MTREX: variants seen among roughly 807,000 people sequenced by gnomAD.
The protein encoded by MTREX is Mtr4 exosome RNA helicase, also known as exosome RNA helicase MTR4.
MTREX carries 76 observed loss-of-function variants against 135.4 expected under a neutral mutation model. The observed-to-expected ratio is 0.56, with a 90% confidence interval of 0.47 to 0.68. The LOEUF (loss-of-function observed/expected upper bound fraction) is 0.68, where lower values mean the gene tolerates loss of function less well. MTREX is among the 30% of genes least tolerant of loss of function. MTREX has a pLI of 0.00. For synonymous variants in MTREX, 404 were observed against 401.6 expected (o/e 1.01, Z -0.07); for missense variants, 920 against 1,262.1 (o/e 0.73, Z 4.11).
chr5:55,415,715 AG>A (rs1335595868), intron 24 of MTREX, among the ~76,000 whole-genome samples: 1 of 152,196 alleles, frequency 6.6e-6, no homozygotes, highest in Non-Finnish European at 1.5e-5. Flanking sequence ...TTTGTTGAAA[AG>A]GTATCACTGG....
At chr5:55,419,447 A>C (rs1293022666) in intron 25 of MTREX, among the ~76,000 whole-genome samples, 1 of 152,258 alleles carries the variant, frequency 6.6e-6, no homozygotes, top group Non-Finnish European at 1.5e-5. Flanking sequence ...AGAAAAGTTC[A>C]TATTGTGATT....
chr5:55,392,415 C>T (rs533100128), intron 19 of MTREX, among the ~76,000 whole-genome samples: 13 of 151,972 alleles, frequency 8.6e-5, no homozygotes, highest in African/African-American at 1.2e-4. Context: ...TGATGGTGTG[C>T]GCTGGTAGCT....
intron 5 of MTREX, among the ~76,000 whole-genome samples, chr5:55,334,104 A>C (rs1199208519): frequency 6.6e-6 from 1 of 152,280 alleles, no homozygotes; most frequent in African/African-American, 2.4e-5. Flanking sequence ...CATTTATGTG[A>C]AATATCCAGA....
At position 55,353,149 on chromosome 5, in the gene MTREX, G is replaced by T. The variant is rs371387162; in HGVS notation, c.1432-19G>T. 1 of 1,494,376 alleles carries T rather than the reference G, an allele frequency of 6.7e-7. No homozygotes were observed. The allele number at this position is 1,494,376 out of a possible 1,614,324, so 92.6% of individuals were successfully genotyped here. On this transcript the variant is annotated intron_variant, in intron 13 of 26. Coordinates refer to ENST00000230640, the MANE Select transcript of MTREX (RefSeq NM_015360.5). The stretch of plus-strand genomic sequence containing the variant: ...AGCTTAAAATACATGTTTAATTATA[G>T]AATTACTTATTTACTTAGGCCTTAT...
At chr5:55,333,721 C>T (rs1334720477) in intron 5 of MTREX, among the ~76,000 whole-genome samples, 1 of 152,050 alleles carries the variant, frequency 6.6e-6, no homozygotes, top group Non-Finnish European at 1.5e-5. Context: ...TGTCATATGA[C>T]CCAGCAATTC....
intron 3 of MTREX, chr5:55,324,424 CTTTTTTTTTTTTTTTTTTTTT>C (rs10592726): frequency 1.2e-3 from 21 of 17,000 alleles, no homozygotes; most frequent in Middle Eastern, 0.05. Flanking sequence ...CTTATTTTAA[CTTTTTTTTTTTTTTTTTTTTT>C]TTTTTTTTTT....
intron 5 of MTREX, among the ~76,000 whole-genome samples, chr5:55,333,328 G>T (rs1367757588): frequency 6.6e-6 from 1 of 152,122 alleles, no homozygotes; most frequent in East Asian, 1.9e-4. Flanking sequence ...GTCCACTCCT[G>T]TTCAGAAGAT....
chr5:55,345,273 GT>G (rs934136704), intron 10 of MTREX, 77 bp downstream of exon 10: 20 of 939,914 alleles, frequency 2.1e-5, no homozygotes, highest in African/African-American at 1.4e-4. Context: ...TTTTGTCTTA[GT>G]TTTTTTTTCT....
intron 10 of MTREX, among the ~76,000 whole-genome samples, chr5:55,346,291 T>A (rs1026354658): frequency 1.3e-5 from 2 of 152,210 alleles, no homozygotes; most frequent in Non-Finnish European, 2.9e-5. Context: ...CTTCCAGGAA[T>A]GTGTGAGGGT....
chr5:55,327,323 T>C (rs551289277), intron 3 of MTREX, among the ~76,000 whole-genome samples: 16 of 152,316 alleles, frequency 1.1e-4, no homozygotes, highest in South Asian at 2.1e-4. Flanking sequence ...TTCTAGAGTC[T>C]CTTTTTTTCT....
At chr5:55,360,461 G>C (rs1411998633) in intron 15 of MTREX, among the ~76,000 whole-genome samples, 1 of 150,322 alleles carries the variant, frequency 6.7e-6, no homozygotes, top group South Asian at 2.1e-4. Context: ...TCTCCTGACT[G>C]TGTACCTAGG....
At chr5:55,352,368 CT>C (rs75571517) in intron 13 of MTREX, among the ~76,000 whole-genome samples, 27,653 of 151,952 alleles carry the variant, frequency 0.18, 2,623 homozygotes, top group Admixed American at 0.19. Flanking sequence ...GTATATTTTG[CT>C]GAGCCCTACT....
chr5:55,328,768 C>A lies in MTREX; in HGVS notation c.472C>A (p.Leu158Ile), dbSNP rs764411008. 1 of 1,613,214 alleles carries A rather than the reference C, an allele frequency of 6.2e-7. No individual in the cohort carries two copies. The highest frequency in any genetic ancestry group is 8.5e-7 in the Non-Finnish European group (1 of 1,179,368). Residue 158 changes from leucine to isoleucine, a missense_variant, in exon 5 of 27, where the codon CTA becomes ATA. This residue lies in a region of MTREX where 82 missense variants were observed against 107.4 expected (regional missense o/e 0.76). Coordinates refer to ENST00000230640, the MANE Select transcript of MTREX (RefSeq NM_015360.5). ...IQCVDNNQSVLVSAHTSAGKT... is the reference protein window; with the variant it reads ...IQCVDNNQSVIVSAHTSAGKT... ...GTGTGTTGACAATAATCAGTCTGTT[C>A]TAGTATCTGCACATACCTCAGCGGG... is the stretch of plus-strand genomic sequence containing the variant.
Position 55,416,010 on chromosome 5 carries a change from A to T in MTREX, c.2849A>T (p.Lys950Ile). 1 of 1,597,368 alleles carries T rather than the reference A, an allele frequency of 6.3e-7. No individual in the cohort carries two copies. Among genetic ancestry groups the T allele is most frequent in the South Asian group, 1.1e-5 (1 of 87,300 alleles). ...ATTGCAAAAGTTTCAGCAGAAGCCA[A>T]ATTGGAAATTGATGAGGAAACTTAT... ...KRIAKVSAEAKLEIDEETYLS... is the reference protein window; with the variant it reads ...KRIAKVSAEAILEIDEETYLS... The change falls in exon 25 of 27, where the codon AAA becomes ATA. Residue 950 changes from lysine (K) to isoleucine (I), a missense_variant. Lys to Ile is a moderately radical substitution (Grantham distance 102). This residue lies in a region of MTREX where 467 missense variants were observed against 589.7 expected (regional missense o/e 0.79). Coordinates refer to ENST00000230640, the MANE Select transcript of MTREX (RefSeq NM_015360.5).
intron 1 of MTREX, among the ~76,000 whole-genome samples, chr5:55,317,212 GC>G (rs1749212692): frequency 6.6e-6 from 1 of 152,150 alleles, no homozygotes; most frequent in Admixed American, 6.5e-5. Context: ...TGGCTATAGT[GC>G]CCAAAGCAAT....
intron 5 of MTREX, among the ~76,000 whole-genome samples, chr5:55,335,091 T>C (rs1051033952): frequency 1.3e-4 from 20 of 152,094 alleles, no homozygotes; most frequent in African/African-American, 3.6e-4. Context: ...ACTAAGGGTG[T>C]TAAGCATCAT....
At chr5:55,311,921 G>GTA (rs1392181014) in intron 1 of MTREX, among the ~76,000 whole-genome samples, 1 of 152,094 alleles carries the variant, frequency 6.6e-6, no homozygotes, top group Non-Finnish European at 1.5e-5. Flanking sequence ...GTATATGTAT[G>GTA]TATATATACT....
At position 55,416,138 on chromosome 5, in the gene MTREX, G is replaced by A. The variant is rs764980906; in HGVS notation, c.2971+6G>A. ...AATGACAGATGTCTTTGAAGGTATG[G>A]TTAAATTTTACACATATATATTTAC... On this transcript the variant is annotated splice_donor_region_variant and intron_variant, in intron 25 of 26. Coordinates refer to ENST00000230640, the MANE Select transcript of MTREX (RefSeq NM_015360.5). The A allele has an allele frequency of 8.3e-6, 13 of 1,568,058 alleles. No individual in the cohort carries two copies. The highest frequency in any genetic ancestry group is 1.0e-5 in the Non-Finnish European group (12 of 1,161,644).
At chr5:55,389,300 A>G (rs1750527394) in intron 19 of MTREX, among the ~76,000 whole-genome samples, 1 of 152,232 alleles carries the variant, frequency 6.6e-6, no homozygotes, top group South Asian at 2.1e-4. Context: ...TATGTGCCAC[A>G]CATCTCAACA....
Sources: allele counts gnomAD v4.1 joint callset (sites outside exome capture counted in the v4.1 genomes callset), GRCh38; gene constraint gnomAD v4.1.1; regional missense constraint gnomAD v4.1.1; transcripts MANE v1.5; gene names NCBI Gene and HGNC (gene_info 2026-07-23, HGNC 2026-07-21).